Variants in DESI2 observed in about 807,000 individuals in gnomAD.
DESI2 encodes desumoylating isopeptidase 2.
Under a neutral mutation model 24.1 loss-of-function variants are expected in DESI2, and 10 were observed. The ratio of observed to expected loss-of-function variants is 0.41; its 90% CI spans 0.26 to 0.70. The LOEUF is 0.70. Ranked by LOEUF, DESI2 falls within the 30% of genes least tolerant of loss-of-function variation. DESI2 has a pLI of 0.29. For missense variants in DESI2, 122 were observed against 234.9 expected, an observed-to-expected ratio of 0.52 and a Z score of 3.14; for synonymous variants, 71 against 87.7, an observed-to-expected ratio of 0.81 and a Z score of 1.06.
rs6695335 is a variant in DESI2 at position 244,689,963 on chromosome 1, C to T, written c.209+621C>T. On this transcript the variant is annotated intron_variant, in intron 3 of 4. Transcript: ENST00000302550. This position sits in a 1 kb window ranked among gnomAD's most constrained non-coding sequence, Gnocchi z 4.0. Reference sequence around the variant, plus strand: ...TTGAAATAATTAAACAGTTGATTAGCGTAGAATCCATTGTTAAGGTACATG... The same window carrying T: ...TTGAAATAATTAAACAGTTGATTAGTGTAGAATCCATTGTTAAGGTACATG... Among the ~76,000 whole-genome samples the T allele has an allele frequency of 0.24, 36,542 of 152,048 alleles. 4,437 individuals are homozygous for T. Among genetic ancestry groups the T allele is most frequent in the South Asian group, 0.33 (1,605 of 4,816 alleles).
chr1:244,676,335 CCAAAGTGCTGGGAT>C lies in DESI2; in HGVS notation c.43-10261_43-10248del, dbSNP rs535737905. ...TCCGTGATCCGCCCGCCTCAGCCTC[CCAAAGTGCTGGGAT>C]TACAGGTGTGAGCCACCGCGCCTGG... On this transcript the variant is annotated intron_variant, in intron 1 of 4. Coordinates refer to ENST00000302550, the MANE Select transcript of DESI2 (RefSeq NM_016076.5). Among the ~76,000 whole-genome samples, 1,231 of 152,168 alleles carry C rather than the reference CCAAAGTGCTGGGAT, an allele frequency of 8.1e-3. 13 individuals are homozygous for C. Among genetic ancestry groups the C allele is most frequent in the Non-Finnish European group, 0.013 (884 of 67,986 alleles).
In DESI2 at chr1:244,689,919, A is replaced by T. The variant is rs1383728300; in HGVS notation, c.209+577A>T. ...TAAAAATGTCTTTATTGTCCCAATG[A>T]AAGGGACACTTTACACGTTTGAAAT... is the stretch of plus-strand genomic sequence containing the variant. On this transcript the variant is annotated intron_variant, in intron 3 of 4. Transcript: ENST00000302550. The surrounding 1 kb of genome is among the most constrained non-coding windows in gnomAD (Gnocchi z 4.0). 1.3e-5 allele frequency among the ~76,000 whole-genome samples: 2 copies of T among 152,246 alleles called. No individual in the cohort carries two copies. Among genetic ancestry groups the T allele is most frequent in the Non-Finnish European group, 2.9e-5 (2 of 68,034 alleles).
chr1:244,673,879 C>T (rs1431343096), intron 1 of DESI2, among the ~76,000 whole-genome samples: 2 of 151,944 alleles, frequency 1.3e-5, no homozygotes, highest in African/African-American at 4.8e-5. Context: ...TGTTTATCCT[C>T]GGGGGCTCAA....
chr1:244,705,890 T>C lies in DESI2; in HGVS notation c.*101T>C. 1 of 832,544 alleles carries C rather than the reference T, an allele frequency of 1.2e-6. No homozygotes were observed. Among genetic ancestry groups the C allele is most frequent in the Non-Finnish European group, 1.8e-6 (1 of 541,986 alleles). The allele number at this position is 832,544 out of a possible 1,614,324, so 51.6% of individuals were successfully genotyped here. A position where few individuals can be genotyped will look rare whatever the true frequency, so the allele number is the denominator to read the frequency against. The stretch of plus-strand genomic sequence containing the variant: ...CCTTTAGATATTTTGTATGCAAAGA[T>C]GGCTCTCCCCCAAATCCCAGTTTTT... On this transcript the variant is annotated 3_prime_UTR_variant, in exon 5 of 5. Transcript: ENST00000302550.
chr1:244,673,694 A>G (rs1676319910), intron 1 of DESI2, among the ~76,000 whole-genome samples: 1 of 152,100 alleles, frequency 6.6e-6, no homozygotes, highest in Non-Finnish European at 1.5e-5. Context: ...TTCCATTCCC[A>G]TAACTTATAT....
rs372800730 is a variant in DESI2 at position 244,653,178 on chromosome 1, C to A, written c.-136C>A. 18 of 880,366 alleles carry A rather than the reference C, an allele frequency of 2.0e-5. No homozygotes were observed. The highest frequency in any genetic ancestry group is 1.5e-6 in the Non-Finnish European group (1 of 647,608). The allele number at this position is 880,366 out of a possible 1,614,324, so 54.5% of individuals were successfully genotyped here. A position where few individuals can be genotyped will look rare whatever the true frequency, so the allele number is the denominator to read the frequency against. On this transcript the variant is annotated 5_prime_UTR_variant, in exon 1 of 5. Coordinates refer to ENST00000302550, the MANE Select transcript of DESI2 (RefSeq NM_016076.5). ...GCGGCTCGGCTGCCCGATGCTTCCG[C>A]CCCGGCTGCCGCGGGCCGGGCTGTA...
chr1:244,666,995 A>G (rs1676069940), intron 1 of DESI2, among the ~76,000 whole-genome samples: 3 of 152,110 alleles, frequency 2.0e-5, no homozygotes, highest in Non-Finnish European at 2.9e-5. Context: ...CCATGATTCA[A>G]TTACCTCCCC....
intron 1 of DESI2, among the ~76,000 whole-genome samples, chr1:244,672,434 G>A (rs536390192): frequency 6.6e-6 from 1 of 152,204 alleles, no homozygotes; most frequent in East Asian, 1.9e-4. Flanking sequence ...ACAGATGCTG[G>A]AGCCATGCTT....
chr1:244,656,556 T>A (rs1056635135), intron 1 of DESI2: 6 of 152,196 alleles, frequency 3.9e-5, no homozygotes, highest in Admixed American at 1.3e-4. Context: ...CTTGTTCACG[T>A]ATTCCTAATT....
chr1:244,658,552 G>C (rs6683634), intron 1 of DESI2, among the ~76,000 whole-genome samples: 19 of 152,172 alleles, frequency 1.2e-4, no homozygotes, highest in Middle Eastern at 3.4e-3. Context: ...TGAGTTCTCC[G>C]ATAGCGCCAT....
chr1:244,689,464 A>C lies in DESI2; in HGVS notation c.209+122A>C. 1 of 573,618 alleles carries C rather than the reference A, an allele frequency of 1.7e-6. No individual in the cohort carries two copies. The highest frequency in any genetic ancestry group is 1.9e-5 in the African/African-American group (1 of 51,756). 35.5% of individuals were successfully genotyped at this position (573,618 alleles called of 1,614,324 possible). On this transcript the variant is annotated intron_variant, in intron 3 of 4. Transcript: ENST00000302550. The surrounding 1 kb of genome is among the most constrained non-coding windows in gnomAD (Gnocchi z 4.0). ...AAGTTAAAAATGTCTCTTTGTTTTAATTGCTGACATTTTATATAACTCAAG... is the reference window on the plus strand; with the variant it reads ...AAGTTAAAAATGTCTCTTTGTTTTACTTGCTGACATTTTATATAACTCAAG...
At chr1:244,676,597 A>G (rs1676423227) in intron 1 of DESI2, among the ~76,000 whole-genome samples, 1 of 151,838 alleles carries the variant, frequency 6.6e-6, no homozygotes, top group Non-Finnish European at 1.5e-5. Flanking sequence ...AGTGTTTAAC[A>G]GAAGTGGCAA....
In DESI2 at chr1:244,706,430, T is replaced by C. The variant is rs1273852269; in HGVS notation, c.*641T>C. 6.5e-6 allele frequency: 1 copy of C among 152,880 alleles called. No individual in the cohort carries two copies. Among genetic ancestry groups the C allele is most frequent in the African/African-American group, 2.4e-5 (1 of 41,466 alleles). The allele number at this position is 152,880 out of a possible 1,614,324, so 9.5% of individuals were successfully genotyped here. A position where few individuals can be genotyped will look rare whatever the true frequency, so the allele number is the denominator to read the frequency against. ...TCTCCCCAGGTGCCCATGGAACACC[T>C]GCTTTCATCCCAAATATCCGTCCAC... On this transcript the variant is annotated 3_prime_UTR_variant, in exon 5 of 5. Transcript: ENST00000302550.
intron 1 of DESI2, chr1:244,653,618 C>T (rs1558646445): frequency 3.8e-6 from 2 of 521,852 alleles, no homozygotes; most frequent in Admixed American, 3.9e-5. Flanking sequence ...AGCTTGGACC[C>T]GACCCCGGCT....
intron 1 of DESI2, among the ~76,000 whole-genome samples, chr1:244,683,507 T>G (rs1168921063): frequency 6.6e-6 from 1 of 152,030 alleles, no homozygotes; most frequent in African/African-American, 2.4e-5. Flanking sequence ...GAGACAGGGT[T>G]TCACCATGTT....
intron 1 of DESI2, among the ~76,000 whole-genome samples, chr1:244,655,349 T>G (rs968726481): frequency 6.6e-6 from 1 of 152,230 alleles, no homozygotes; most frequent in African/African-American, 2.4e-5. Flanking sequence ...TTATATTGCT[T>G]TTGCCTGTGA....
At chr1:244,702,329 CATGG>C (rs531006536) in intron 4 of DESI2, among the ~76,000 whole-genome samples, 152 of 152,222 alleles carry the variant, frequency 1.0e-3, no homozygotes, top group African/African-American at 3.5e-3. Flanking sequence ...GCCTGGCCAA[CATGG>C]TGAAACGCCG....
At chr1:244,702,350 C>T (rs1677499003) in intron 4 of DESI2, among the ~76,000 whole-genome samples, 2 of 152,042 alleles carry the variant, frequency 1.3e-5, no homozygotes, top group South Asian at 4.1e-4. Context: ...GCCGTCTCTA[C>T]TAAAAATACA....
chr1:244,699,432 A>G (rs1303260722), intron 4 of DESI2, among the ~76,000 whole-genome samples: 1 of 151,836 alleles, frequency 6.6e-6, no homozygotes, highest in Non-Finnish European at 1.5e-5. Context: ...AAATACAGAA[A>G]TTAGCCGGGC....
Sources: allele counts gnomAD v4.1 joint callset (sites outside exome capture counted in the v4.1 genomes callset), GRCh38; gene constraint gnomAD v4.1.1; non-coding constraint Gnocchi (gnomAD v3.1); transcripts MANE v1.5; gene names NCBI Gene and HGNC (gene_info 2026-07-23, HGNC 2026-07-21).